Variants in ERC2 observed in about 807,000 individuals in gnomAD.
ERC2 encodes the protein ERC protein 2.
A neutral mutation model predicts 114.8 loss-of-function variants in ERC2; 42 were observed. The ratio of observed to expected loss-of-function variants is 0.37; its 90% CI spans 0.29 to 0.47. The LOEUF (loss-of-function observed/expected upper bound fraction) is 0.47, where lower values mean the gene tolerates loss of function less well. Ranked by LOEUF, ERC2 falls within the 20% of genes least tolerant of loss-of-function variation. The pLI is 0.99. For missense variants in ERC2, 939 were observed against 1,150.7 expected (o/e 0.82, Z 2.66); for synonymous variants, 454 against 425.5 (o/e 1.07, Z -0.82).
intron 15 of ERC2, among the ~76,000 whole-genome samples, chr3:55,722,588 T>C (rs1055666442): frequency 9.2e-5 from 14 of 152,216 alleles, no homozygotes; most frequent in Admixed American, 2.6e-4. Context: ...TTCTTGTTTC[T>C]TCACTGGAAT....
chr3:56,141,618 T>A (rs2080858959), intron 5 of ERC2, among the ~76,000 whole-genome samples: 1 of 152,240 alleles, frequency 6.6e-6, no homozygotes, highest in South Asian at 2.1e-4. Context: ...AGGCTTCGCA[T>A]TATTACAACT....
At chr3:55,620,868 G>A (rs2059297535) in intron 17 of ERC2, among the ~76,000 whole-genome samples, 2 of 152,124 alleles carry the variant, frequency 1.3e-5, no homozygotes, top group East Asian at 1.9e-4. Flanking sequence ...ATGTGATTAC[G>A]CCTTCTCAGG....
At chr3:55,991,843 A>G (rs913011227) in intron 11 of ERC2, among the ~76,000 whole-genome samples, 1 of 152,262 alleles carries the variant, frequency 6.6e-6, no homozygotes, top group Non-Finnish European at 1.5e-5. Flanking sequence ...ATTTTCTTCA[A>G]CACTGAAGAA....
intron 14 of ERC2, among the ~76,000 whole-genome samples, chr3:55,787,424 A>G (rs1247930524): frequency 6.6e-6 from 1 of 152,074 alleles, no homozygotes; most frequent in Non-Finnish European, 1.5e-5. Flanking sequence ...CTCAAAAATA[A>G]AAAAGAATGG....
At chr3:56,147,734 AAAAAG>A (rs2081215799) in intron 5 of ERC2, among the ~76,000 whole-genome samples, 1 of 152,344 alleles carries the variant, frequency 6.6e-6, no homozygotes, top group East Asian at 1.9e-4. Flanking sequence ...TAGAAAAAGA[AAAAAG>A]AAAACAAATT....
At chr3:55,627,333 G>T (rs2059557892) in intron 17 of ERC2, among the ~76,000 whole-genome samples, 1 of 152,148 alleles carries the variant, frequency 6.6e-6, no homozygotes, top group African/African-American at 2.4e-5. Context: ...AGGCATGATG[G>T]TGGGTGACTG....
chr3:55,858,901 T>G (rs964986168), intron 14 of ERC2, among the ~76,000 whole-genome samples: 2 of 152,170 alleles, frequency 1.3e-5, no homozygotes, highest in Admixed American at 6.5e-5. Flanking sequence ...CAGCCTTCCC[T>G]TAGCCGTTCT....
chr3:56,150,086 G>A (rs1270822835), intron 4 of ERC2, among the ~76,000 whole-genome samples: 1 of 152,128 alleles, frequency 6.6e-6, no homozygotes, highest in African/African-American at 2.4e-5. Flanking sequence ...TGTCCCATCT[G>A]CCTGCCATTT....
chr3:55,752,622 C>T (rs2066784427), intron 14 of ERC2, among the ~76,000 whole-genome samples: 1 of 152,160 alleles, frequency 6.6e-6, no homozygotes, highest in Non-Finnish European at 1.5e-5. Context: ...TTTATGTGTA[C>T]TAACTCATTT....
At chr3:56,316,164 G>A (rs569181245) in intron 2 of ERC2, among the ~76,000 whole-genome samples, 1 of 152,222 alleles carries the variant, frequency 6.6e-6, no homozygotes, top group East Asian at 1.9e-4. Context: ...ACTAGGAGAA[G>A]AGTGAGGCAC....
chr3:56,389,426 C>T (rs1204442044), intron 2 of ERC2, among the ~76,000 whole-genome samples: 1 of 152,034 alleles, frequency 6.6e-6, no homozygotes, highest in Non-Finnish European at 1.5e-5. Flanking sequence ...GAGTTACATG[C>T]GAAATACTGT....
intron 13 of ERC2, among the ~76,000 whole-genome samples, chr3:55,948,653 G>C (rs190158845): frequency 6.6e-6 from 1 of 152,248 alleles, no homozygotes; most frequent in East Asian, 1.9e-4. Flanking sequence ...TTATGAAGAG[G>C]TTATGAGGTA....
intron 17 of ERC2, among the ~76,000 whole-genome samples, chr3:55,558,887 C>T (rs2055811151): frequency 2.0e-5 from 3 of 152,144 alleles, no homozygotes; most frequent in African/African-American, 2.4e-5. Context: ...TTCTGTGATC[C>T]TCCAGGAAGA....
At chr3:55,955,115 A>C (rs868354658) in intron 12 of ERC2, 1 of 513,068 alleles carries the variant, frequency 1.9e-6, no homozygotes, top group African/African-American at 1.9e-5. Context: ...TTGGATGTAT[A>C]TAGACACACA....
At chr3:56,156,894 A>C (rs1274376528) in intron 4 of ERC2, among the ~76,000 whole-genome samples, 1 of 152,156 alleles carries the variant, frequency 6.6e-6, no homozygotes, top group African/African-American at 2.4e-5. Context: ...GAACACAAAA[A>C]TCCATATTTA....
chr3:56,189,660 G>A (rs1046198055), intron 3 of ERC2, among the ~76,000 whole-genome samples: 1 of 152,204 alleles, frequency 6.6e-6, no homozygotes, highest in African/African-American at 2.4e-5. Flanking sequence ...TGCCTTCTGT[G>A]AGGGCTGTTC....
chr3:56,418,295 CAAAAAAA>C lies in ERC2; in HGVS notation c.657+16049_657+16055del, dbSNP rs57185789. Among the ~76,000 whole-genome samples, 4 of 75,226 alleles carry C rather than the reference CAAAAAAA, an allele frequency of 5.3e-5. No individual in the cohort carries two copies. In the East Asian group the frequency reaches 9.6e-4, roughly 18 times the overall value. The allele number at this position is 75,226 out of a possible 152,430, so 49.4% of individuals were successfully genotyped here. ...TGGGTGATGGAGCGAGATCCTGTCT[CAAAAAAA>C]AAAAAAAAAAAAGGATTCGGAAAGG... is the stretch of plus-strand genomic sequence containing the variant. On this transcript the variant is annotated intron_variant, in intron 2 of 17. Transcript: ENST00000288221.
intron 13 of ERC2, among the ~76,000 whole-genome samples, chr3:55,919,324 A>G (rs1432944447): frequency 1.3e-5 from 2 of 152,172 alleles, no homozygotes. Context: ...AGCTGTCATG[A>G]GCTATGACCA....
At chr3:56,311,243 C>CTA (rs2056536275) in intron 2 of ERC2, among the ~76,000 whole-genome samples, 3 of 20,940 alleles carry the variant, frequency 1.4e-4, no homozygotes, top group Admixed American at 6.7e-4. Context: ...CTCTCTCTCT[C>CTA]TCTCTCTCTC....
Sources: gnomAD v4.1 joint callset for allele counts (sites outside exome capture counted in the v4.1 genomes callset) on GRCh38, gnomAD v4.1.1 for gene constraint, MANE v1.5 for transcripts, NCBI Gene and HGNC (gene_info 2026-07-23, HGNC 2026-07-21) for gene names.